PCDHA5: variants seen among roughly 807,000 people sequenced by gnomAD.
The protein encoded by PCDHA5 is protocadherin alpha-5.
In PCDHA5, 43 loss-of-function variants were observed where a neutral mutation model predicts 61.6. The ratio of observed to expected loss-of-function variants is 0.70; its 90% CI spans 0.55 to 0.90. PCDHA5 has a LOEUF of 0.90. PCDHA5 is among the 40% of genes least tolerant of loss of function. PCDHA5 has a pLI of 0.00. For missense variants in PCDHA5, 1,298 were observed against 1,222.7 expected (o/e 1.06, Z -0.92); for synonymous variants, 627 against 543.9 (o/e 1.15, Z -2.13).
intron 2 of PCDHA5, among the ~76,000 whole-genome samples, chr5:140,981,605 C>CT (rs1444386694): frequency 1.1e-4 from 17 of 152,174 alleles, no homozygotes; most frequent in African/African-American, 2.9e-4. Context: ...AAATGTTCCT[C>CT]TAATTTTGAT....
At chr5:140,909,312 A>AT (rs1365428416) in intron 1 of PCDHA5, among the ~76,000 whole-genome samples, 1 of 152,244 alleles carries the variant, frequency 6.6e-6, no homozygotes, top group Non-Finnish European at 1.5e-5. Context: ...AGAAAAAGGC[A>AT]TTTGCCAAAT....
intron 1 of PCDHA5, chr5:140,877,090 G>C: frequency 2.5e-6 from 4 of 1,613,186 alleles, no homozygotes; most frequent in Non-Finnish European, 3.4e-6. Flanking sequence ...CGCGCGCGAC[G>C]CCGGCGTGCC....
chr5:140,924,785 C>G (rs2082005933), intron 1 of PCDHA5, among the ~76,000 whole-genome samples: 1 of 151,704 alleles, frequency 6.6e-6, no homozygotes, highest in African/African-American at 2.4e-5. Context: ...GTCCTAGCTA[C>G]TTAGGAGGCT....
chr5:140,870,945 G>T, intron 1 of PCDHA5: 2 of 1,613,724 alleles, frequency 1.2e-6, no homozygotes, highest in Non-Finnish European at 1.7e-6. Flanking sequence ...AGCCGGCGGC[G>T]GGCGGCTCGC....
chr5:140,941,963 T>A (rs2093209364), intron 1 of PCDHA5, among the ~76,000 whole-genome samples: 1 of 152,230 alleles, frequency 6.6e-6, no homozygotes. Flanking sequence ...CAATAGTATC[T>A]TTACTTTCCC....
chr5:140,836,437 G>A (rs1447681112), intron 1 of PCDHA5: 1 of 1,613,724 alleles, frequency 6.2e-7, no homozygotes, highest in African/African-American at 1.3e-5. Flanking sequence ...GCATCGTTGG[G>A]CATTGCAGGC....
At chr5:141,005,960 TA>T (rs1322848010) in intron 3 of PCDHA5, among the ~76,000 whole-genome samples, 2 of 151,500 alleles carry the variant, frequency 1.3e-5, no homozygotes, top group Non-Finnish European at 2.9e-5. Context: ...CAAACAACAA[TA>T]AAAAAACAAT....
rs1232327422 is a variant in PCDHA5, at chr5:140,841,830, A to G, written c.2352+17703A>G. On this transcript the variant is annotated intron_variant, in intron 1 of 3. Transcript: ENST00000529859. ...GTTGGAGCTAACTCCGTGTTAACCT[A>G]CAGGCTTAGCTCTCATGATTACTTC... 5.6e-6 allele frequency: 9 copies of G among 1,613,794 alleles called. No individual in the cohort carries two copies. In the South Asian group the frequency reaches 7.7e-5, roughly 14 times the overall value.
At position 140,822,867 on chromosome 5, in the gene PCDHA5, C is replaced by T; in HGVS notation, c.1092C>T (p.Leu364=). The change falls in exon 1 of 4, where the codon CTC becomes CTT. Residue 364 remains leucine (L), a synonymous_variant. Coordinates refer to ENST00000529859, the MANE Select transcript of PCDHA5 (RefSeq NM_018908.3). The part of the protein sequence containing the change: ...LFLPVKEDAP[L]STVIALISVS... ...TGCCTGTCAAAGAGGACGCTCCACTCAGCACGGTCATTGCTCTGATCAGCG... is the reference window on the plus strand; with the variant it reads ...TGCCTGTCAAAGAGGACGCTCCACTTAGCACGGTCATTGCTCTGATCAGCG... 1.2e-6 allele frequency: 2 copies of T among 1,614,242 alleles called. No homozygotes were observed. Among genetic ancestry groups the T allele is most frequent in the East Asian group, 2.2e-5 (1 of 44,888 alleles).
chr5:140,898,456 C>G (rs1333861280), intron 1 of PCDHA5, among the ~76,000 whole-genome samples: 2 of 152,134 alleles, frequency 1.3e-5, no homozygotes, highest in African/African-American at 2.4e-5. Flanking sequence ...AATCCTTTCC[C>G]CATTGCTTGT....
At chr5:140,844,817 G>C (rs1468939378) in intron 1 of PCDHA5, among the ~76,000 whole-genome samples, 1 of 148,814 alleles carries the variant, frequency 6.7e-6, no homozygotes. Flanking sequence ...ATTTCTTCTT[G>C]TCTTTTTACA....
At chr5:140,853,065 G>A in intron 1 of PCDHA5, 1 of 280,750 alleles carries the variant, frequency 3.6e-6, no homozygotes, top group Non-Finnish European at 5.5e-6. Context: ...ATTTTTAGTA[G>A]AGATGGGGTT....
At chr5:140,913,348 C>A (rs1233529642) in intron 1 of PCDHA5, among the ~76,000 whole-genome samples, 1 of 152,080 alleles carries the variant, frequency 6.6e-6, no homozygotes, top group East Asian at 1.9e-4. Context: ...TCCATTTCCT[C>A]TAGATTTTTA....
rs2150278849 is a variant in PCDHA5 at position 140,837,698 on chromosome 5, C to T, written c.2352+13571C>T. ...CTTTTTTCTTTCTTCTTTCAAGACA[C>T]GCTCTCACTCCATCACCCAGGCTGC... On this transcript the variant is annotated intron_variant, in intron 1 of 3. Coordinates refer to ENST00000529859, the MANE Select transcript of PCDHA5 (RefSeq NM_018908.3). Among the ~76,000 whole-genome samples, 9 of 151,044 alleles carry T rather than the reference C, an allele frequency of 6.0e-5. No homozygotes were observed. In the East Asian group the frequency reaches 7.8e-4, roughly 13 times the overall value.
rs2150462323 is a variant in PCDHA5 at position 140,849,996 on chromosome 5, G to C, written c.2352+25869G>C. On this transcript the variant is annotated intron_variant, in intron 1 of 3. Transcript: ENST00000529859. ...CTCGCTGGTGGAGCGGCGGTTGGGCGAGCGCTCGCTGTCGAGCTACGTGTC... is the reference window on the plus strand; with the variant it reads ...CTCGCTGGTGGAGCGGCGGTTGGGCCAGCGCTCGCTGTCGAGCTACGTGTC... The C allele has an allele frequency of 0.011, 17,121 of 1,597,124 alleles. 2,348 individuals are homozygous for C. In the African/African-American group the frequency reaches 0.2, roughly 18 times the overall value.
intron 1 of PCDHA5, chr5:140,882,507 A>G: frequency 6.2e-7 from 1 of 1,614,182 alleles, no homozygotes; most frequent in Non-Finnish European, 8.5e-7. Flanking sequence ...GTAAATCTGC[A>G]GAATGGCATT....
chr5:140,964,579 G>A (rs2095841483), intron 1 of PCDHA5, among the ~76,000 whole-genome samples: 1 of 152,090 alleles, frequency 6.6e-6, no homozygotes, highest in Non-Finnish European at 1.5e-5. Flanking sequence ...ATAAGGGGAG[G>A]AAAGATCACT....
At chr5:140,856,056 C>T (rs2043749341) in intron 1 of PCDHA5, 1 of 1,586,796 alleles carries the variant, frequency 6.3e-7, no homozygotes, top group Non-Finnish European at 8.6e-7. Flanking sequence ...AAGATGGTTT[C>T]CAGATGTAGC....
intron 1 of PCDHA5, chr5:140,929,073 T>C (rs782591499): frequency 1.9e-6 from 3 of 1,614,200 alleles, no homozygotes; most frequent in Non-Finnish European, 2.5e-6. Flanking sequence ...ATCTGAGGTA[T>C]GGAAGTAAGA....
Sources: gnomAD v4.1 joint callset for allele counts (sites outside exome capture counted in the v4.1 genomes callset) on GRCh38, gnomAD v4.1.1 for gene constraint, MANE v1.5 for transcripts, NCBI Gene and HGNC (gene_info 2026-07-23, HGNC 2026-07-21) for gene names.